The following DOC2A variants were observed in gnomAD, a reference collection of about 807,000 sequenced individuals.
DOC2A encodes the protein double C2-like domain-containing protein alpha.
DOC2A carries 28 observed loss-of-function variants against 40.6 expected under a neutral mutation model. The ratio of observed to expected loss-of-function variants is 0.69; its 90% CI spans 0.51 to 0.95. The LOEUF (loss-of-function observed/expected upper bound fraction) is 0.95, where lower values mean the gene tolerates loss of function less well. DOC2A is among the 40% of genes least tolerant of loss of function. DOC2A has a pLI of 0.00. For synonymous variants in DOC2A, 241 were observed against 236.9 expected, an observed-to-expected ratio of 1.02 and a Z score of -0.16; for missense variants, 474 against 552.5, an observed-to-expected ratio of 0.86 and a Z score of 1.42.
chr16:30,019,500 C>T (rs2070890082), intron 1 of DOC2A, among the ~76,000 whole-genome samples: 1 of 152,132 alleles, frequency 6.6e-6, no homozygotes, highest in South Asian at 2.1e-4. Context: ...CCAGCCAGTG[C>T]GTAGCAGGAG....
upstream of DOC2A, chr16:30,011,303 C>T (rs1455800318): frequency 9.1e-6 from 9 of 984,446 alleles, no homozygotes; most frequent in Non-Finnish European, 1.1e-5. Flanking sequence ...CCCTTGCACA[C>T]ACCCAGGCGC....
At chr16:30,008,796 A>T (rs1230993185) in intron 5 of DOC2A, 200 bp downstream of exon 5, 2 of 575,480 alleles carry the variant, frequency 3.5e-6, no homozygotes, top group South Asian at 1.9e-5. Flanking sequence ...GTGAGCCACC[A>T]CACCTGGCAG....
At chr16:30,011,450 C>A (rs2070777936), upstream of DOC2A, 10 of 982,550 alleles carry the variant, frequency 1.0e-5, no homozygotes, top group Non-Finnish European at 1.2e-5. Context: ...CCCCCCGCCC[C>A]CGCCCGCGCG....
intron 1 of DOC2A, among the ~76,000 whole-genome samples, chr16:30,020,225 G>A (rs1205273050): frequency 2.6e-5 from 4 of 151,596 alleles, no homozygotes; most frequent in African/African-American, 9.7e-5. Flanking sequence ...TGGATTTTTA[G>A]TAGAGAGGAG....
In DOC2A at chr16:30,010,075, C is replaced by A. The variant is rs199677332; in HGVS notation, c.148G>T (p.Gly50Trp). 1 of 1,611,374 alleles carries A rather than the reference C, an allele frequency of 6.2e-7. No homozygotes were observed. The highest frequency in any genetic ancestry group is 8.5e-7 in the Non-Finnish European group (1 of 1,178,816). Residue 50 changes from glycine (G) to tryptophan (W), a missense_variant, in exon 2 of 11, where the codon GGG becomes TGG. Gly to Trp is a radical substitution (Grantham distance 184). Coordinates refer to ENST00000350119, the MANE Select transcript of DOC2A (RefSeq NM_003586.3). The surrounding 1 kb of genome is among the most constrained non-coding windows in gnomAD (Gnocchi z 4.2). ...GGGACCAGATGGGCGGGGGCCTCCC[C>A]GCCGCCCCCGCCGCCCCCTTCAGGT... Reference protein sequence around the residue: ...PGPEGGGGGGGEAPAHLVPLA... With the variant: ...PGPEGGGGGGWEAPAHLVPLA...
chr16:30,017,145 G>T (rs2070862581), upstream of DOC2A, among the ~76,000 whole-genome samples: 1 of 152,024 alleles, frequency 6.6e-6, no homozygotes, highest in South Asian at 2.1e-4. Context: ...CAGGAGTGGT[G>T]GTGTGCACTT....
chr16:30,012,699 A>C (rs1452338557), upstream of DOC2A: 3 of 150,748 alleles, frequency 2.0e-5, no homozygotes, highest in Non-Finnish European at 3.0e-5. Flanking sequence ...AAAAAAAAAA[A>C]AGTAAGAGAA....
Position 30,006,242 on chromosome 16 carries a change from A to G in DOC2A, c.1147T>C (p.Trp383Arg). The change falls in exon 11 of 11, where the codon TGG becomes CGG. Residue 383 changes from tryptophan (W) to arginine (R), a missense_variant. Trp to Arg is a moderately radical substitution (Grantham distance 101). Coordinates refer to ENST00000350119, the MANE Select transcript of DOC2A (RefSeq NM_003586.3). The surrounding 1 kb of genome is among the most constrained non-coding windows in gnomAD (Gnocchi z 6.2). ...GGCAGCTCACTGGTCAGGGTGTGCC[A>G]GCGCTCCAGGGCTGCGTCCGGCTGC... ...LQQPDAALER[W>R]HTLTSELPPA... 6.3e-7 allele frequency: 1 copy of G among 1,593,776 alleles called. No individual in the cohort carries two copies.
upstream of DOC2A, among the ~76,000 whole-genome samples, chr16:30,017,118 T>TA (rs1040998917): frequency 8.9e-5 from 13 of 145,982 alleles, no homozygotes; most frequent in Non-Finnish European, 7.6e-5. Flanking sequence ...AAACCCTGTC[T>TA]AAAAAAAAAA....
At chr16:30,014,931 G>C (rs1596713681), upstream of DOC2A, 1 of 151,198 alleles carries the variant, frequency 6.6e-6, no homozygotes, top group East Asian at 1.9e-4. Flanking sequence ...CTCCATCTCA[G>C]AAGAAAAAGA....
chr16:30,010,931 G>T lies in DOC2A; in HGVS notation c.-42C>A. 3.0e-6 allele frequency: 3 copies of T among 1,014,570 alleles called. No individual in the cohort carries two copies. Among genetic ancestry groups the T allele is most frequent in the Non-Finnish European group, 3.5e-6 (3 of 847,220 alleles). 62.8% of individuals were successfully genotyped at this position (1,014,570 alleles called of 1,614,324 possible). A position where few individuals can be genotyped will look rare whatever the true frequency, so the allele number is the denominator to read the frequency against. ...TGCCTCCAACAGGTGCCCAGGCACT[G>T]GGGGGACGGCGGGCGCAGGCTGGGC... On this transcript the variant is annotated 5_prime_UTR_variant, in exon 1 of 11. Transcript: ENST00000350119. This position sits in a 1 kb window ranked among gnomAD's most constrained non-coding sequence, Gnocchi z 4.2.
At chr16:30,018,227 C>T (rs12598856) in intron 1 of DOC2A, among the ~76,000 whole-genome samples, 45,819 of 147,424 alleles carry the variant, frequency 0.31, 7,939 homozygotes, top group South Asian at 0.42. Context: ...CTGCAGTGAG[C>T]TATGATTGCA....
At chr16:30,017,597 T>C (rs1162574232) in intron 1 of DOC2A, among the ~76,000 whole-genome samples, 1 of 151,968 alleles carries the variant, frequency 6.6e-6, no homozygotes, top group Non-Finnish European at 1.5e-5. Context: ...TGGGTACCTA[T>C]GGACATAAAG....
At position 30,006,210 on chromosome 16, in the gene DOC2A, C is replaced by T. The variant is rs777814881; in HGVS notation, c.1179G>A (p.Ala393=). Residue 393 remains alanine (A), a synonymous_variant, in exon 11 of 11, where the codon GCG becomes GCA. Coordinates refer to ENST00000350119, the MANE Select transcript of DOC2A (RefSeq NM_003586.3). The surrounding 1 kb of genome is among the most constrained non-coding windows in gnomAD (Gnocchi z 6.2). ...CTCAGGCTGAGGACAGAGCCCCGGC[C>T]GCAGGGGGCAGCTCACTGGTCAGGG... ...WHTLTSELPP[A]AGALSSA The T allele has an allele frequency of 1.4e-5, 23 of 1,586,422 alleles. No individual in the cohort carries two copies. The highest frequency in any genetic ancestry group is 6.9e-5 in the East Asian group (3 of 43,678).
At position 30,006,677 on chromosome 16, in the gene DOC2A, C is replaced by T. The variant is rs1387807967; in HGVS notation, c.879G>A (p.Thr293=). The change falls in exon 9 of 11, where the codon ACG becomes ACA. Residue 293 remains threonine (T), a splice_region_variant and synonymous_variant. Transcript: ENST00000350119. This position sits in a 1 kb window ranked among gnomAD's most constrained non-coding sequence, Gnocchi z 6.2. ...VNGYSDPYVK[T]YLRPDVDKKS... The stretch of plus-strand genomic sequence containing the variant: ...TCTTGTCCACATCGGGCCTCAGGTA[C>T]CTGGGGGTGGGGTGGAGGGAGACGA... 2 of 1,613,714 alleles carry T rather than the reference C, an allele frequency of 1.2e-6. No individual in the cohort carries two copies. Among genetic ancestry groups the T allele is most frequent in the African/African-American group, 1.3e-5 (1 of 74,878 alleles).
upstream of DOC2A, chr16:30,021,322 C>T (rs1242397212): frequency 6.6e-6 from 1 of 152,236 alleles, no homozygotes; most frequent in East Asian, 1.9e-4. Context: ...CCTGGAGTGT[C>T]CTTGGGCTTG....
At chr16:30,017,534 T>C (rs2070866253) in intron 1 of DOC2A, among the ~76,000 whole-genome samples, 1 of 151,942 alleles carries the variant, frequency 6.6e-6, no homozygotes. Flanking sequence ...ACTGAATTAA[T>C]GCGGAAACAG....
intron 1 of DOC2A, among the ~76,000 whole-genome samples, chr16:30,017,960 C>A (rs1463802696): frequency 6.5e-5 from 6 of 92,706 alleles, no homozygotes; most frequent in South Asian, 3.1e-4. Flanking sequence ...ACTCTGTCTC[C>A]GGAAAAAAAA....
chr16:30,015,206 C>T (rs955381732), upstream of DOC2A: 3 of 152,214 alleles, frequency 2.0e-5, no homozygotes, highest in South Asian at 2.1e-4. Flanking sequence ...GAAAGACTTA[C>T]TTTTCAACGT....
Sources: gnomAD v4.1 joint callset for allele counts (sites outside exome capture counted in the v4.1 genomes callset) on GRCh38, gnomAD v4.1.1 for gene constraint, Gnocchi (gnomAD v3.1) non-coding constraint, MANE v1.5 for transcripts, NCBI Gene and HGNC (gene_info 2026-07-23, HGNC 2026-07-21) for gene names.